PEBP4: variants seen among roughly 807,000 people sequenced by gnomAD.
PEBP4 encodes phosphatidylethanolamine binding protein 4.
A neutral mutation model predicts 23.9 loss-of-function variants in PEBP4; 22 were observed. The ratio of observed to expected loss-of-function variants is 0.92; its 90% CI spans 0.66 to 1.31. The LOEUF is 1.31. Among genes scored for constraint, PEBP4 ranks in the 40% most tolerant of loss-of-function variants. The pLI, the probability that PEBP4 is intolerant of heterozygous loss-of-function variation, is 0.00. For synonymous variants in PEBP4, 112 were observed against 99.3 expected, an observed-to-expected ratio of 1.13 and a Z score of -0.76; for missense variants, 324 against 281.7, an observed-to-expected ratio of 1.15 and a Z score of -1.07.
At chr8:22,752,687 T>C (rs1396056566) in intron 4 of PEBP4, among the ~76,000 whole-genome samples, 3 of 152,216 alleles carry the variant, frequency 2.0e-5, no homozygotes, top group African/African-American at 7.2e-5. Context: ...GCCCCAGCCC[T>C]TGTTCTGGGG....
chr8:22,866,463 C>T (rs752628612), intron 3 of PEBP4, among the ~76,000 whole-genome samples: 29 of 152,206 alleles, frequency 1.9e-4, no homozygotes, highest in Non-Finnish European at 3.4e-4. Flanking sequence ...TTAAAATATG[C>T]TGTAAACCAC....
At chr8:22,938,701 C>A (rs1425973795) in intron 1 of PEBP4, among the ~76,000 whole-genome samples, 1 of 151,610 alleles carries the variant, frequency 6.6e-6, no homozygotes, top group South Asian at 2.1e-4. Context: ...GGTCACACTT[C>A]CCCCCCATTA....
chr8:22,797,253 C>CAA (rs57749113), intron 4 of PEBP4, among the ~76,000 whole-genome samples: 2 of 114,392 alleles, frequency 1.7e-5, no homozygotes, highest in Non-Finnish European at 3.7e-5. Context: ...AACTCTGTCT[C>CAA]AAAAAAAAAA....
chr8:22,928,291 T>C (rs1452231709), upstream of PEBP4, among the ~76,000 whole-genome samples: 1 of 152,086 alleles, frequency 6.6e-6, no homozygotes, highest in East Asian at 1.9e-4. Flanking sequence ...ACAGTGACCT[T>C]GTGTAGGAGG....
rs181511323 is a variant in PEBP4 at position 22,910,966 on chromosome 8, G to A, written c.258+9218C>T. Reference sequence around the variant, plus strand: ...ATTTGGGTGATACTGATGTATCAGCGTAGGTTCGTTGAGTAGAACAAATGC... The same window carrying A: ...ATTTGGGTGATACTGATGTATCAGCATAGGTTCGTTGAGTAGAACAAATGC... On this transcript the variant is annotated intron_variant, in intron 3 of 6. Coordinates refer to ENST00000256404, the MANE Select transcript of PEBP4 (RefSeq NM_144962.3). Among the ~76,000 whole-genome samples, 292 of 152,114 alleles carry A rather than the reference G, an allele frequency of 1.9e-3. 2 individuals carry two copies. The highest frequency in any genetic ancestry group is 6.2e-3 in the African/African-American group (257 of 41,492).
intron 4 of PEBP4, among the ~76,000 whole-genome samples, chr8:22,803,203 A>G (rs1405948961): frequency 6.6e-6 from 1 of 151,992 alleles, no homozygotes. Flanking sequence ...CTCTTGCCCA[A>G]TCTCTGGCAG....
chr8:22,901,153 T>A (rs1222669252), intron 3 of PEBP4, among the ~76,000 whole-genome samples: 2 of 152,184 alleles, frequency 1.3e-5, no homozygotes, highest in Admixed American at 1.3e-4. Flanking sequence ...AAAACCTATA[T>A]TCCACGGACA....
At chr8:22,899,076 C>A (rs928258497) in intron 3 of PEBP4, among the ~76,000 whole-genome samples, 2 of 152,228 alleles carry the variant, frequency 1.3e-5, no homozygotes, top group African/African-American at 4.8e-5. Flanking sequence ...ATCTAGGACC[C>A]TGGACAAGCT....
At chr8:22,884,343 G>A (rs1346582243) in intron 3 of PEBP4, 1 of 152,210 alleles carries the variant, frequency 6.6e-6, no homozygotes, top group East Asian at 1.9e-4. Context: ...AGGATGACTA[G>A]AAAGTTGTGA....
chr8:22,748,554 C>T (rs191283661), intron 4 of PEBP4, among the ~76,000 whole-genome samples: 1 of 151,864 alleles, frequency 6.6e-6, no homozygotes, highest in East Asian at 1.9e-4. Context: ...TTGCTCTTCT[C>T]CCCTCCCCAG....
chr8:22,713,981 T>C (rs995410762), intron 6 of PEBP4, among the ~76,000 whole-genome samples: 3 of 152,242 alleles, frequency 2.0e-5, no homozygotes, highest in African/African-American at 7.2e-5. Context: ...TGCTCACCCC[T>C]GCTGCTGGGG....
chr8:22,787,028 G>A (rs1806043583), intron 4 of PEBP4, among the ~76,000 whole-genome samples: 1 of 152,208 alleles, frequency 6.6e-6, no homozygotes, highest in East Asian at 1.9e-4. Context: ...TCTCTGTGTT[G>A]CCCAGGCTGG....
chr8:22,815,330 A>G (rs149384482), intron 4 of PEBP4, among the ~76,000 whole-genome samples: 38 of 152,312 alleles, frequency 2.5e-4, no homozygotes, highest in African/African-American at 8.7e-4. Context: ...CCGAGGTGGA[A>G]GTTCTGCGGG....
intron 3 of PEBP4, among the ~76,000 whole-genome samples, chr8:22,870,277 C>T (rs1026285852): frequency 2.0e-5 from 3 of 152,132 alleles, no homozygotes; most frequent in African/African-American, 7.2e-5. Context: ...GCTACCAAGC[C>T]ATGAAAAGAC....
chr8:22,928,583 G>A (rs1041127580), upstream of PEBP4, among the ~76,000 whole-genome samples: 1 of 152,162 alleles, frequency 6.6e-6, no homozygotes, highest in African/African-American at 2.4e-5. Flanking sequence ...CCAGGTGCAT[G>A]TGGGACTCTG....
At chr8:22,868,425 C>A (rs118156204) in intron 3 of PEBP4, among the ~76,000 whole-genome samples, 2 of 152,258 alleles carry the variant, frequency 1.3e-5, no homozygotes, top group East Asian at 1.9e-4. Context: ...TTCTCTCCAA[C>A]TCCCCAGTAA....
At chr8:22,862,338 G>C (rs73555825) in intron 3 of PEBP4, among the ~76,000 whole-genome samples, 1 of 152,024 alleles carries the variant, frequency 6.6e-6, no homozygotes, top group Non-Finnish European at 1.5e-5. Flanking sequence ...GGAGTATCTC[G>C]TCTGCATAAA....
chr8:22,726,899 C>G (rs1427528600), intron 5 of PEBP4, among the ~76,000 whole-genome samples: 1 of 152,154 alleles, frequency 6.6e-6, no homozygotes, highest in Admixed American at 6.5e-5. Flanking sequence ...TTACAAGCAG[C>G]CTCCAGTCAG....
At chr8:22,867,307 C>T (rs1015040848) in intron 3 of PEBP4, among the ~76,000 whole-genome samples, 8 of 152,074 alleles carry the variant, frequency 5.3e-5, no homozygotes, top group Non-Finnish European at 8.8e-5. Flanking sequence ...TGGAGATCAT[C>T]GAGGATGGGC....
Sources: allele counts gnomAD v4.1 joint callset (sites outside exome capture counted in the v4.1 genomes callset), GRCh38; gene constraint gnomAD v4.1.1; transcripts MANE v1.5; gene names NCBI Gene and HGNC (gene_info 2026-07-23, HGNC 2026-07-21).